The following LRRN1 variants were observed in gnomAD, a reference collection of about 807,000 sequenced individuals.
LRRN1 encodes leucine-rich repeat neuronal protein 1.
Under a neutral mutation model 45.8 loss-of-function variants are expected in LRRN1, and 14 were observed. The ratio of observed to expected loss-of-function variants is 0.31; its 90% CI spans 0.20 to 0.48. The LOEUF (loss-of-function observed/expected upper bound fraction) is 0.48, where lower values mean the gene tolerates loss of function less well. LRRN1 is among the 20% of genes least tolerant of loss of function. LRRN1 has a pLI of 0.99. For missense variants in LRRN1, 789 were observed against 874.2 expected (o/e 0.90, Z 1.23); for synonymous variants, 359 against 330.1 (o/e 1.09, Z -0.95).
chr3:3,807,926 C>T (rs543703587), intron 1 of LRRN1, among the ~76,000 whole-genome samples: 4 of 152,290 alleles, frequency 2.6e-5, no homozygotes, highest in African/African-American at 9.6e-5. Flanking sequence ...AGCCTCCTCA[C>T]GTACTCAGAA....
rs1693041027 is a variant in LRRN1 at position 3,818,843 on chromosome 3, A to G, written c.-279+18924A>G. ...TGTAGGATATACAGGCAACAGTAGA[A>G]AGCAAACTCTTTTCATAATCAGTTG... On this transcript the variant is annotated intron_variant, in intron 1 of 1. Transcript: ENST00000319331. Among the ~76,000 whole-genome samples the G allele has an allele frequency of 2.0e-5, 3 of 152,180 alleles. No homozygotes were observed. In the South Asian group the frequency reaches 6.2e-4, roughly 32 times the overall value.
intron 1 of LRRN1, among the ~76,000 whole-genome samples, chr3:3,833,440 C>T (rs922034864): frequency 1.3e-5 from 2 of 152,214 alleles, no homozygotes; most frequent in Admixed American, 6.5e-5. Flanking sequence ...CAGCCTGATC[C>T]AGCTCTGTAT....
chr3:3,820,745 G>T (rs902797002), intron 1 of LRRN1, among the ~76,000 whole-genome samples: 5 of 152,172 alleles, frequency 3.3e-5, no homozygotes, highest in African/African-American at 1.2e-4. Context: ...ATGTACTCTG[G>T]TTGTTGTTTC....
chr3:3,843,953 A>G (rs971258741), intron 1 of LRRN1, among the ~76,000 whole-genome samples: 23 of 152,202 alleles, frequency 1.5e-4, no homozygotes, highest in Non-Finnish European at 8.8e-5. Context: ...CTATAAATAC[A>G]TGTAGTTTCT....
intron 1 of LRRN1, among the ~76,000 whole-genome samples, chr3:3,829,505 A>G (rs369624651): frequency 3.9e-5 from 6 of 152,268 alleles, no homozygotes; most frequent in African/African-American, 1.4e-4. Flanking sequence ...AAACATTACC[A>G]TGTATTGGAT....
At chr3:3,837,449 G>A (rs1009018101) in intron 1 of LRRN1, among the ~76,000 whole-genome samples, 2 of 151,932 alleles carry the variant, frequency 1.3e-5, no homozygotes, top group African/African-American at 2.4e-5. Context: ...AGCTCATTTG[G>A]GGTTATTCCT....
intron 1 of LRRN1, among the ~76,000 whole-genome samples, chr3:3,825,356 C>T (rs926659128): frequency 6.6e-6 from 1 of 152,160 alleles, no homozygotes; most frequent in African/African-American, 2.4e-5. Flanking sequence ...GAGACTGCAC[C>T]TGCAGTGTGA....
chr3:3,817,486 T>A (rs1318402203), intron 1 of LRRN1, among the ~76,000 whole-genome samples: 1 of 152,208 alleles, frequency 6.6e-6, no homozygotes, highest in Non-Finnish European at 1.5e-5. Flanking sequence ...AACTTCTATG[T>A]TAAATGTATG....
At chr3:3,812,812 TAA>T (rs34881587) in intron 1 of LRRN1, among the ~76,000 whole-genome samples, 81 of 121,430 alleles carry the variant, frequency 6.7e-4, no homozygotes, top group East Asian at 9.6e-4. Context: ...ATCTTGGTTG[TAA>T]AAAAAAAAAA....
intron 1 of LRRN1, among the ~76,000 whole-genome samples, chr3:3,834,535 T>TATATATATATC (rs1693454820): frequency 2.8e-5 from 3 of 108,730 alleles, no homozygotes; most frequent in Non-Finnish European, 5.8e-5. Context: ...GATATATATA[T>TATATATATATC]ATATATATAT....
chr3:3,826,615 C>T (rs1264792528), intron 1 of LRRN1, among the ~76,000 whole-genome samples: 2 of 152,006 alleles, frequency 1.3e-5, no homozygotes, highest in Non-Finnish European at 2.9e-5. Flanking sequence ...TAATGCATTA[C>T]GGAGACTATT....
intron 1 of LRRN1, among the ~76,000 whole-genome samples, chr3:3,834,261 C>T (rs1335000023): frequency 6.6e-6 from 1 of 151,822 alleles, no homozygotes; most frequent in African/African-American, 2.4e-5. Flanking sequence ...TCACTGAACT[C>T]CTTGCCTCTT....
chr3:3,806,726 T>G (rs1042937057), intron 1 of LRRN1, among the ~76,000 whole-genome samples: 2 of 152,240 alleles, frequency 1.3e-5, no homozygotes, highest in Non-Finnish European at 2.9e-5. Flanking sequence ...CCTTAAATAT[T>G]TATCTCATTT....
intron 1 of LRRN1, among the ~76,000 whole-genome samples, chr3:3,830,098 G>C (rs1222236569): frequency 6.6e-6 from 1 of 152,174 alleles, no homozygotes; most frequent in African/African-American, 2.4e-5. Flanking sequence ...TGGACTCTTT[G>C]AGCAACGACA....
Position 3,849,099 on chromosome 3 carries a change from G to C in LRRN1, c.*2307G>C, listed in dbSNP as rs1394593023. Among the ~76,000 whole-genome samples, 2 of 152,198 alleles carry C rather than the reference G, an allele frequency of 1.3e-5. No individual in the cohort carries two copies. The highest frequency in any genetic ancestry group is 6.5e-5 in the Admixed American group (1 of 15,278). ...CTGTTCATCTGTGAACCATGAAAATGGATGGCACTGATGCATTAGACCCTC... is the reference window on the plus strand; with the variant it reads ...CTGTTCATCTGTGAACCATGAAAATCGATGGCACTGATGCATTAGACCCTC... On this transcript the variant is annotated 3_prime_UTR_variant, in exon 2 of 2. Transcript: ENST00000319331.
rs1040717615 is a variant in LRRN1, at chr3:3,848,744, T to A, written c.*1952T>A. On this transcript the variant is annotated 3_prime_UTR_variant, in exon 2 of 2. Transcript: ENST00000319331. ...CAGGGAGGGCTTGCAGCTTACCCAGTTCGGACTCCTGCCAGTTCAGCGCTC... is the reference window on the plus strand; with the variant it reads ...CAGGGAGGGCTTGCAGCTTACCCAGATCGGACTCCTGCCAGTTCAGCGCTC... Among the ~76,000 whole-genome samples the A allele has an allele frequency of 1.1e-4, 17 of 152,154 alleles. No individual in the cohort carries two copies. Among genetic ancestry groups the A allele is most frequent in the African/African-American group, 3.6e-4 (15 of 41,446 alleles).
chr3:3,818,483 A>G (rs923797320), intron 1 of LRRN1, among the ~76,000 whole-genome samples: 1 of 152,172 alleles, frequency 6.6e-6, no homozygotes, highest in African/African-American at 2.4e-5. Context: ...GATTCCAGCT[A>G]TGCAAATAGT....
At chr3:3,819,993 A>G (rs897871557) in intron 1 of LRRN1, among the ~76,000 whole-genome samples, 2 of 152,184 alleles carry the variant, frequency 1.3e-5, no homozygotes, top group Non-Finnish European at 2.9e-5. Context: ...TCCGAAGCCT[A>G]TGCTCATTCT....
At chr3:3,823,396 TA>T (rs547005197) in intron 1 of LRRN1, among the ~76,000 whole-genome samples, 60 of 145,642 alleles carry the variant, frequency 4.1e-4, no homozygotes, top group Middle Eastern at 6.9e-3. Context: ...GGATGTTGTT[TA>T]AAAAAAAAAA....
Sources: allele counts gnomAD v4.1 joint callset (sites outside exome capture counted in the v4.1 genomes callset), GRCh38; gene constraint gnomAD v4.1.1; transcripts MANE v1.5; gene names NCBI Gene and HGNC (gene_info 2026-07-23, HGNC 2026-07-21).